TCF4: variants seen among roughly 807,000 people sequenced by gnomAD.
TCF4 encodes the protein SL3-3 enhancer factor 2.
In TCF4, 3 loss-of-function variants were observed where a neutral mutation model predicts 82.1. That is an observed-to-expected ratio of 0.04 (90% CI 0.02 to 0.09). The LOEUF (loss-of-function observed/expected upper bound fraction) is 0.09, where lower values mean the gene tolerates loss of function less well. Among genes scored for constraint, TCF4 ranks in the 10% least tolerant of loss-of-function variants. TCF4 has a pLI of 1.00. For synonymous variants in TCF4, 276 were observed against 309.6 expected, an observed-to-expected ratio of 0.89 and a Z score of 1.14; for missense variants, 518 against 852.7, an observed-to-expected ratio of 0.61 and a Z score of 4.89.
At chr18:55,507,412 T>C (rs2096774957) in intron 3 of TCF4, among the ~76,000 whole-genome samples, 1 of 152,148 alleles carries the variant, frequency 6.6e-6, no homozygotes, top group Non-Finnish European at 1.5e-5. Flanking sequence ...CCGGATGAGA[T>C]GGCAAAGGAC....
chr18:55,492,901 C>A (rs2096590828), intron 3 of TCF4, among the ~76,000 whole-genome samples: 1 of 152,174 alleles, frequency 6.6e-6, no homozygotes, highest in African/African-American at 2.4e-5. Flanking sequence ...TGTGACCAAA[C>A]TGTTAAGAGG....
chr18:55,257,356 C>T lies in TCF4; in HGVS notation c.1105G>A (p.Ala369Thr), dbSNP rs763311559. ...CCTTCATAATTAGGAGACGATGAGG[C>T]CTGTCCTCCATTTCTAGACCAAACA... ...TAVWSRNGGQASSSPNYEGPL... is the reference protein window; with the variant it reads ...TAVWSRNGGQTSSSPNYEGPL... Residue 369 changes from alanine (A) to threonine (T), a missense_variant, in exon 14 of 20, where the codon GCC becomes ACC. Ala to Thr is a moderately conservative substitution (Grantham distance 58, BLOSUM62 0). Coordinates refer to ENST00000354452, the MANE Select transcript of TCF4 (RefSeq NM_001083962.2). 6 of 1,613,624 alleles carry T rather than the reference C, an allele frequency of 3.7e-6. No individual in the cohort carries two copies. Among genetic ancestry groups the T allele is most frequent in the African/African-American group, 1.3e-5 (1 of 74,876 alleles).
At position 55,224,904 on chromosome 18, in the gene TCF4, C is replaced by A. The variant is rs374365683; in HGVS notation, c.*3131G>T. 2 of 152,442 alleles carry A rather than the reference C, an allele frequency of 1.3e-5. No homozygotes were observed. The highest frequency in any genetic ancestry group is 4.8e-5 in the African/African-American group (2 of 41,416). The allele number at this position is 152,442 out of a possible 1,614,324, so 9.4% of individuals were successfully genotyped here. ...TGAAAGAGATCCCCAGCCTAAGTGT[C>A]GTCATACAGATAGCGTAGTATGGAC... On this transcript the variant is annotated 3_prime_UTR_variant, in exon 20 of 20. Transcript: ENST00000354452.
chr18:55,430,599 TC>T (rs755415950), intron 5 of TCF4, among the ~76,000 whole-genome samples: 2 of 151,652 alleles, frequency 1.3e-5, no homozygotes, highest in Non-Finnish European at 2.9e-5. Flanking sequence ...AATTCCCAGC[TC>T]TTCCCATGCC....
chr18:55,559,048 A>G (rs1454443262), intron 3 of TCF4, among the ~76,000 whole-genome samples: 1 of 151,800 alleles, frequency 6.6e-6, no homozygotes, highest in East Asian at 1.9e-4. Flanking sequence ...CCCTAAAAAA[A>G]AAAAAAAAAA....
intron 8 of TCF4, among the ~76,000 whole-genome samples, chr18:55,334,677 T>A (rs960243552): frequency 6.6e-6 from 1 of 152,168 alleles, no homozygotes; most frequent in African/African-American, 2.4e-5. Flanking sequence ...TCAAGTTGAA[T>A]TAATAAATTA....
intron 5 of TCF4, among the ~76,000 whole-genome samples, chr18:55,452,311 A>C (rs1403337287): frequency 1.3e-5 from 2 of 152,212 alleles, no homozygotes; most frequent in Non-Finnish European, 2.9e-5. Flanking sequence ...AAAAATCAAC[A>C]ACTGCAATTG....
At chr18:55,335,805 G>A (rs1202766220) in intron 8 of TCF4, among the ~76,000 whole-genome samples, 1 of 151,996 alleles carries the variant, frequency 6.6e-6, no homozygotes, top group Non-Finnish European at 1.5e-5. Context: ...AAGATCAAAA[G>A]CCTAAAAAAA....
chr18:55,295,289 T>A (rs1214229262), intron 8 of TCF4, among the ~76,000 whole-genome samples: 1 of 152,184 alleles, frequency 6.6e-6, no homozygotes, highest in Non-Finnish European at 1.5e-5. Flanking sequence ...CCTTACCTGG[T>A]CACTCTCTAT....
intron 11 of TCF4, chr18:55,267,596 C>T (rs567906187): frequency 6.6e-6 from 1 of 152,224 alleles, no homozygotes; most frequent in South Asian, 2.1e-4. Context: ...GAAAAACATT[C>T]TAGAATGTTC....
chr18:55,222,794 G>A lies in TCF4; in HGVS notation c.*5241C>T, dbSNP rs2046043924. On this transcript the variant is annotated 3_prime_UTR_variant, in exon 20 of 20. Coordinates refer to ENST00000354452, the MANE Select transcript of TCF4 (RefSeq NM_001083962.2). Reference sequence around the variant, plus strand: ...ATATTAACTTACAGTACATAACACTGAATAATTTTAATCTGTACATTTTTT... The same window carrying A: ...ATATTAACTTACAGTACATAACACTAAATAATTTTAATCTGTACATTTTTT... The A allele has an allele frequency of 6.6e-6, 1 of 152,566 alleles. No individual in the cohort carries two copies. Among genetic ancestry groups the A allele is most frequent in the African/African-American group, 2.4e-5 (1 of 41,424 alleles). 9.5% of individuals were successfully genotyped at this position (152,566 alleles called of 1,614,324 possible). A position where few individuals can be genotyped will look rare whatever the true frequency, so the allele number is the denominator to read the frequency against.
intron 3 of TCF4, among the ~76,000 whole-genome samples, chr18:55,534,449 T>C (rs1283546905): frequency 6.6e-6 from 1 of 152,212 alleles, no homozygotes; most frequent in East Asian, 1.9e-4. Flanking sequence ...ATGGTAGACT[T>C]GGGAAGGGGC....
In TCF4 at chr18:55,277,627, C is replaced by T. The variant is rs376067677; in HGVS notation, c.656-1875G>A. 8.3e-3 allele frequency among the ~76,000 whole-genome samples: 1,089 copies of T among 130,936 alleles called. 8 individuals carry two copies. The highest frequency in any genetic ancestry group is 0.024 in the African/African-American group (831 of 35,264). The allele number at this position is 130,936 out of a possible 152,430, so 85.9% of individuals were successfully genotyped here. A position where few individuals can be genotyped will look rare whatever the true frequency, so the allele number is the denominator to read the frequency against. On this transcript the variant is annotated intron_variant, in intron 9 of 19. Coordinates refer to ENST00000354452, the MANE Select transcript of TCF4 (RefSeq NM_001083962.2). ...ATTTTTTTTTTTTTTTTTTGCTTTT[C>T]GGGTATGCATATGCAGATAAACAAA...
chr18:55,612,554 AC>A (rs1298402558), intron 2 of TCF4, among the ~76,000 whole-genome samples: 1 of 152,190 alleles, frequency 6.6e-6, no homozygotes, highest in Non-Finnish European at 1.5e-5. Flanking sequence ...TGAAAAAAAA[AC>A]ATGGGAAAGT....
chr18:55,244,852 C>T (rs766552208), intron 15 of TCF4, among the ~76,000 whole-genome samples: 2 of 152,188 alleles, frequency 1.3e-5, no homozygotes, highest in Non-Finnish European at 2.9e-5. Context: ...GAGACCCGTC[C>T]GTGTGCAGAA....
At chr18:55,309,104 T>C (rs1427726809) in intron 8 of TCF4, among the ~76,000 whole-genome samples, 1 of 151,898 alleles carries the variant, frequency 6.6e-6, no homozygotes, top group Non-Finnish European at 1.5e-5. Context: ...TTTATTATTA[T>C]TATTATTATC....
At chr18:55,477,373 G>A (rs1033510178) in intron 3 of TCF4, among the ~76,000 whole-genome samples, 3 of 152,190 alleles carry the variant, frequency 2.0e-5, no homozygotes, top group Non-Finnish European at 2.9e-5. Context: ...ATGCTATTAC[G>A]ATTACCTGTT....
rs546992492 is a variant in TCF4 at position 55,465,822 on chromosome 18, G to A, written c.146-1685C>T. On this transcript the variant is annotated intron_variant, in intron 3 of 19. Coordinates refer to ENST00000354452, the MANE Select transcript of TCF4 (RefSeq NM_001083962.2). ...CACTGCAAGCTTTTAAAAGTCTGGC[G>A]CATCTTGACTTTCTTTTCACCTATA... Among the ~76,000 whole-genome samples the A allele has an allele frequency of 6.6e-5, 10 of 152,186 alleles. No homozygotes were observed. The South Asian group carries it at 8.3e-4, about 13-fold the overall frequency.
At chr18:55,291,302 C>G (rs2065044331) in intron 8 of TCF4, among the ~76,000 whole-genome samples, 1 of 152,108 alleles carries the variant, frequency 6.6e-6, no homozygotes, top group Non-Finnish European at 1.5e-5. Flanking sequence ...TTAAAGATAT[C>G]TAATAGTGCT....
Sources: allele counts gnomAD v4.1 joint callset (sites outside exome capture counted in the v4.1 genomes callset), GRCh38; gene constraint gnomAD v4.1.1; transcripts MANE v1.5; gene names NCBI Gene and HGNC (gene_info 2026-07-23, HGNC 2026-07-21).